ADAMTS20: variants seen among roughly 807,000 people sequenced by gnomAD.
ADAMTS20 encodes the protein A disintegrin and metalloproteinase with thrombospondin motifs 20.
Under a neutral mutation model 260.1 loss-of-function variants are expected in ADAMTS20, and 225 were observed. The ratio of observed to expected loss-of-function variants is 0.87; its 90% CI spans 0.78 to 0.97. ADAMTS20 has a LOEUF of 0.97. Ranked by LOEUF, ADAMTS20 falls within the 50% of genes least tolerant of loss-of-function variation. The probability of loss-of-function intolerance (pLI) is 0.00; values close to 1 mark genes in which losing one functional copy is unlikely to be tolerated. For missense variants in ADAMTS20, 2,400 were observed against 2,337.7 expected, an observed-to-expected ratio of 1.03 and a Z score of -0.55; for synonymous variants, 802 against 769.5, an observed-to-expected ratio of 1.04 and a Z score of -0.70.
intron 3 of ADAMTS20, among the ~76,000 whole-genome samples, chr12:43,510,100 A>T (rs1403286000): frequency 1.3e-5 from 2 of 152,136 alleles, no homozygotes; most frequent in Non-Finnish European, 2.9e-5. Flanking sequence ...AAATGAATGA[A>T]TTAGGTCTAT....
chr12:43,520,014 G>C (rs1158718575), intron 3 of ADAMTS20, among the ~76,000 whole-genome samples: 3 of 152,062 alleles, frequency 2.0e-5, no homozygotes, highest in Non-Finnish European at 2.9e-5. Flanking sequence ...GGGCAGTTTT[G>C]CACTATTTCT....
At chr12:43,390,315 T>A (rs528987883) in intron 29 of ADAMTS20, among the ~76,000 whole-genome samples, 17 of 152,220 alleles carry the variant, frequency 1.1e-4, no homozygotes, top group Non-Finnish European at 1.6e-4. Flanking sequence ...AAATTGCTGA[T>A]TCAAACTAAT....
chr12:43,401,750 T>TTG (rs200018839), intron 28 of ADAMTS20, among the ~76,000 whole-genome samples: 2 of 151,182 alleles, frequency 1.3e-5, no homozygotes, highest in Non-Finnish European at 3.0e-5. Flanking sequence ...GCTTTTTTTT[T>TTG]TGCTCAAGTG....
intron 11 of ADAMTS20, among the ~76,000 whole-genome samples, chr12:43,460,816 C>A (rs892983073): frequency 6.6e-6 from 1 of 150,954 alleles, no homozygotes; most frequent in East Asian, 2.0e-4. Flanking sequence ...ACAAAAGACG[C>A]CTGTCCCATT....
intron 3 of ADAMTS20, among the ~76,000 whole-genome samples, chr12:43,521,962 A>G (rs1005871655): frequency 1.6e-4 from 25 of 152,340 alleles, no homozygotes; most frequent in African/African-American, 5.3e-4. Context: ...CTCAAAGACT[A>G]TAAGAATAAA....
chr12:43,502,921 G>A (rs1942788485), intron 3 of ADAMTS20, among the ~76,000 whole-genome samples: 1 of 152,008 alleles, frequency 6.6e-6, no homozygotes. Flanking sequence ...ATATGTGGGT[G>A]AATCTATTGA....
chr12:43,546,937 G>C (rs1943448489), intron 2 of ADAMTS20, among the ~76,000 whole-genome samples: 1 of 152,056 alleles, frequency 6.6e-6, no homozygotes, highest in South Asian at 2.1e-4. Flanking sequence ...GTTAAACAAA[G>C]AAAATTTCTG....
At chr12:43,379,532 C>A (rs1565672522) in intron 31 of ADAMTS20, among the ~76,000 whole-genome samples, 1 of 152,060 alleles carries the variant, frequency 6.6e-6, no homozygotes, top group Non-Finnish European at 1.5e-5. Flanking sequence ...TTGTCAACAA[C>A]CTGATGAGTG....
intron 37 of ADAMTS20, among the ~76,000 whole-genome samples, chr12:43,359,547 T>A (rs1005780947): frequency 7.9e-5 from 12 of 152,212 alleles, no homozygotes; most frequent in African/African-American, 2.7e-4. Context: ...ATAGTCGTAA[T>A]AAGCTTACAA....
chr12:43,446,541 A>T (rs1941763788), intron 15 of ADAMTS20, 54 bp downstream of exon 15: 2 of 1,303,896 alleles, frequency 1.5e-6, no homozygotes, highest in East Asian at 2.3e-5. Flanking sequence ...TTCTTTACAG[A>T]CTCCATTATT....
chr12:43,427,051 T>TA (rs1941346116), intron 27 of ADAMTS20, among the ~76,000 whole-genome samples: 2 of 152,164 alleles, frequency 1.3e-5, no homozygotes, highest in Non-Finnish European at 2.9e-5. Context: ...CACACACCTG[T>TA]AGTCTCAGCT....
chr12:43,551,080 G>T lies in ADAMTS20; in HGVS notation c.282C>A (p.Thr94=), dbSNP rs759595755. ...AYGQLFQLNL[T]ADASFLAAGY... ...CGGCGGCCAGAAAGGATGCATCGGC[G>T]GTCAGGTTCAGCTGGAAGAGCTGCC... Residue 94 remains threonine (T), a synonymous_variant, in exon 2 of 39, where the codon ACC becomes ACA. Coordinates refer to ENST00000389420, the MANE Select transcript of ADAMTS20 (RefSeq NM_025003.5). This position sits in a 1 kb window ranked among gnomAD's most constrained non-coding sequence, Gnocchi z 4.6. 2.0e-5 allele frequency: 32 copies of T among 1,613,846 alleles called. No individual in the cohort carries two copies. The South Asian group carries it at 3.4e-4, about 17-fold the overall frequency.
chr12:43,416,301 T>A (rs919675622), intron 28 of ADAMTS20, among the ~76,000 whole-genome samples: 1 of 151,960 alleles, frequency 6.6e-6, no homozygotes, highest in African/African-American at 2.4e-5. Context: ...TATTTTATGA[T>A]GAGAATTGTC....
At chr12:43,356,636 T>A in intron 37 of ADAMTS20, 48 bp from the exon 38 acceptor site, 1 of 1,366,044 alleles carries the variant, frequency 7.3e-7, no homozygotes, top group Non-Finnish European at 1.0e-6. Context: ...TTACAAAATA[T>A]TTGATTACAA....
At chr12:43,465,466 T>C (rs887930076) in intron 9 of ADAMTS20, among the ~76,000 whole-genome samples, 2 of 152,116 alleles carry the variant, frequency 1.3e-5, no homozygotes, top group Non-Finnish European at 2.9e-5. Context: ...TACTCCTAAT[T>C]TACCATGCAA....
chr12:43,502,068 G>A, intron 4 of ADAMTS20, 84 bp downstream of exon 4: 1 of 1,321,150 alleles, frequency 7.6e-7, no homozygotes, highest in Non-Finnish European at 1.0e-6. Flanking sequence ...TAAAGAGTTT[G>A]GAAAAAAAAT....
chr12:43,429,554 T>A, intron 24 of ADAMTS20, 63 bp downstream of exon 24: 1 of 1,152,176 alleles, frequency 8.7e-7, no homozygotes, highest in Non-Finnish European at 1.2e-6. Flanking sequence ...CTAGCAACCA[T>A]TTTGTTGATG....
intron 7 of ADAMTS20, among the ~76,000 whole-genome samples, chr12:43,475,831 A>G (rs1565564960): frequency 6.8e-6 from 1 of 146,388 alleles, no homozygotes; most frequent in Non-Finnish European, 1.5e-5. Context: ...TACACCTTAT[A>G]CAAAAATCAA....
At chr12:43,377,005 T>G (rs1396476726) in intron 32 of ADAMTS20, among the ~76,000 whole-genome samples, 1 of 152,224 alleles carries the variant, frequency 6.6e-6, no homozygotes, top group African/African-American at 2.4e-5. Flanking sequence ...TTGCTTTCTA[T>G]CAATTAAATT....
Sources: allele counts gnomAD v4.1 joint callset (sites outside exome capture counted in the v4.1 genomes callset), GRCh38; gene constraint gnomAD v4.1.1; non-coding constraint Gnocchi (gnomAD v3.1); transcripts MANE v1.5; gene names NCBI Gene and HGNC (gene_info 2026-07-23, HGNC 2026-07-21).